Variants in TANGO6 observed in about 807,000 individuals in gnomAD.
TANGO6 encodes the protein transport and golgi organization 6 homolog.
A neutral mutation model predicts 114.2 loss-of-function variants in TANGO6; 90 were observed. The observed-to-expected ratio is 0.79, with a 90% CI of 0.66 to 0.94. TANGO6 has a LOEUF of 0.94. Ranked by LOEUF, TANGO6 falls within the 40% of genes least tolerant of loss-of-function variation. TANGO6 has a pLI of 0.00. For synonymous variants in TANGO6, 477 were observed against 509.8 expected (o/e 0.94, Z 0.87); for missense variants, 1,274 against 1,315.3 (o/e 0.97, Z 0.49).
chr16:68,950,181 T>C (rs1435244345), intron 14 of TANGO6, among the ~76,000 whole-genome samples: 1 of 152,180 alleles, frequency 6.6e-6, no homozygotes, highest in Non-Finnish European at 1.5e-5. Context: ...ATGAGGTTTC[T>C]TTGTGAGGAG....
chr16:69,069,186 C>T (rs999045808), intron 17 of TANGO6, among the ~76,000 whole-genome samples: 2 of 152,188 alleles, frequency 1.3e-5, no homozygotes, highest in Non-Finnish European at 1.5e-5. Flanking sequence ...GTTTGCCTGC[C>T]TCCTGACCAT....
Position 68,985,572 on chromosome 16 carries a change from G to C in TANGO6, c.2842+11404G>C, listed in dbSNP as rs539445401. On this transcript the variant is annotated intron_variant, in intron 15 of 17. Coordinates refer to ENST00000261778, the MANE Select transcript of TANGO6 (RefSeq NM_024562.2). ...ACAAAAATACAAAAATTAGCTGGGG[G>C]TGTGGTGGCAGGCACCTATGGTCCT... Among the ~76,000 whole-genome samples, 9 of 152,196 alleles carry C rather than the reference G, an allele frequency of 5.9e-5. No homozygotes were observed. The South Asian group carries it at 1.5e-3, about 25-fold the overall frequency.
chr16:68,977,797 T>C (rs1963779063), intron 15 of TANGO6, among the ~76,000 whole-genome samples: 1 of 149,350 alleles, frequency 6.7e-6, no homozygotes, highest in African/African-American at 2.4e-5. Flanking sequence ...GCGATTCTCC[T>C]GCCTCAGCCT....
rs752769682 is a variant in TANGO6, at chr16:68,909,422, T to G, written c.1992+20T>G. The stretch of plus-strand genomic sequence containing the variant: ...ACTCAGGTCAGTAGTTGCCACATTC[T>G]GGACCGCAGCCTTTTTTTCTTTCCA... On this transcript the variant is annotated intron_variant, in intron 11 of 17. Coordinates refer to ENST00000261778, the MANE Select transcript of TANGO6 (RefSeq NM_024562.2). The G allele has an allele frequency of 6.8e-6, 10 of 1,472,550 alleles. No homozygotes were observed. The highest frequency in any genetic ancestry group is 9.0e-6 in the Non-Finnish European group (10 of 1,107,410). The allele number at this position is 1,472,550 out of a possible 1,614,324, so 91.2% of individuals were successfully genotyped here. A position where few individuals can be genotyped will look rare whatever the true frequency, so the allele number is the denominator to read the frequency against.
intron 17 of TANGO6, among the ~76,000 whole-genome samples, chr16:69,046,156 TAA>T (rs1362929835): frequency 1.3e-5 from 2 of 151,566 alleles, no homozygotes; most frequent in African/African-American, 4.8e-5. Context: ...TTAACATTCA[TAA>T]TGTCCAGGAT....
At chr16:68,986,773 C>T (rs1177317029) in intron 15 of TANGO6, among the ~76,000 whole-genome samples, 1 of 152,066 alleles carries the variant, frequency 6.6e-6, no homozygotes, top group African/African-American at 2.4e-5. Flanking sequence ...AGAGTGATGG[C>T]ACACACCTGT....
chr16:69,018,929 A>C (rs1289237134), intron 15 of TANGO6, among the ~76,000 whole-genome samples: 1 of 152,150 alleles, frequency 6.6e-6, no homozygotes, highest in Non-Finnish European at 1.5e-5. Flanking sequence ...ATAAATAAAT[A>C]AATAAATCTG....
In TANGO6 at chr16:68,862,980, G is replaced by A. The variant is rs551456805; in HGVS notation, c.771G>A (p.Gly257=). The part of the protein sequence containing the change: ...LTEEERTLSR[G]ALRDMLDQVY... ...AAGAGGAGAGAACCCTATCCAGGGG[G>A]GCCTTGAGAGACATGCTGGATCAAG... Residue 257 remains glycine (G), a synonymous_variant, in exon 3 of 18, where the codon GGG becomes GGA. Transcript: ENST00000261778. 1.9e-6 allele frequency: 3 copies of A among 1,599,896 alleles called. No individual in the cohort carries two copies. Among genetic ancestry groups the A allele is most frequent in the South Asian group, 2.3e-5 (2 of 87,974 alleles).
chr16:69,056,832 A>C (rs1417579463), intron 17 of TANGO6, among the ~76,000 whole-genome samples: 1 of 151,920 alleles, frequency 6.6e-6, no homozygotes, highest in African/African-American at 2.4e-5. Context: ...GGCGCCTGCC[A>C]CCACGCCCAA....
intron 3 of TANGO6, among the ~76,000 whole-genome samples, chr16:68,864,970 G>A (rs1001640123): frequency 2.0e-5 from 3 of 152,060 alleles, no homozygotes; most frequent in African/African-American, 7.2e-5. Context: ...TACTAATTTT[G>A]AGGCTTACAT....
intron 3 of TANGO6, 71 bp from the exon 4 acceptor site, chr16:68,867,008 T>G: frequency 2.1e-5 from 12 of 582,682 alleles, no homozygotes; most frequent in Non-Finnish European, 2.7e-5. Flanking sequence ...TTTACAGGCA[T>G]GAGCCACTAC....
intron 7 of TANGO6, among the ~76,000 whole-genome samples, chr16:68,898,194 A>G (rs1477407): frequency 0.28 from 41,860 of 151,890 alleles, 7,336 homozygotes; most frequent in African/African-American, 0.51. Context: ...CATTAGGCCT[A>G]TACATGACTT....
chr16:68,866,911 T>G (rs1005798610), intron 3 of TANGO6, among the ~76,000 whole-genome samples, 168 bp from the exon 4 acceptor site: 1 of 150,614 alleles, frequency 6.6e-6, no homozygotes, highest in African/African-American at 2.4e-5. Context: ...CACTCCTGCC[T>G]GGGTGAAGAG....
chr16:69,057,755 C>G (rs1249558355), intron 17 of TANGO6, among the ~76,000 whole-genome samples: 1 of 152,188 alleles, frequency 6.6e-6, no homozygotes, highest in Non-Finnish European at 1.5e-5. Flanking sequence ...AATGATGAGA[C>G]AGTGATGGGA....
intron 15 of TANGO6, among the ~76,000 whole-genome samples, chr16:68,996,571 C>A (rs1020491110): frequency 1.3e-5 from 2 of 152,174 alleles, no homozygotes; most frequent in Non-Finnish European, 2.9e-5. Context: ...ACTGGATCAA[C>A]AAGATGTTTC....
chr16:68,851,010 T>C (rs1322281637), intron 1 of TANGO6, among the ~76,000 whole-genome samples: 1 of 152,192 alleles, frequency 6.6e-6, no homozygotes, highest in African/African-American at 2.4e-5. Flanking sequence ...CCTCTCTCTG[T>C]AGATGACTTA....
At chr16:68,996,246 G>A (rs1319500309) in intron 15 of TANGO6, among the ~76,000 whole-genome samples, 3 of 152,096 alleles carry the variant, frequency 2.0e-5, no homozygotes, top group Admixed American at 1.3e-4. Flanking sequence ...AAAATTAATT[G>A]CATTTAAATT....
At chr16:68,999,833 T>C (rs1468236064) in intron 15 of TANGO6, among the ~76,000 whole-genome samples, 5 of 152,228 alleles carry the variant, frequency 3.3e-5, no homozygotes. Flanking sequence ...TAATTCCTGT[T>C]TTGCTCAATA....
At chr16:68,981,976 TG>T (rs2152215379) in intron 15 of TANGO6, among the ~76,000 whole-genome samples, 1 of 152,320 alleles carries the variant, frequency 6.6e-6, no homozygotes, top group East Asian at 1.9e-4. Context: ...TCTCTTTCTT[TG>T]GCAATGTCTG....
Sources: gnomAD v4.1 joint callset for allele counts (sites outside exome capture counted in the v4.1 genomes callset) on GRCh38, gnomAD v4.1.1 for gene constraint, MANE v1.5 for transcripts, NCBI Gene and HGNC (gene_info 2026-07-23, HGNC 2026-07-21) for gene names.